CNTN6: variants seen among roughly 807,000 people sequenced by gnomAD.
CNTN6 encodes contactin-6.
In CNTN6, 137 loss-of-function variants were observed where a neutral mutation model predicts 122.8. The ratio of observed to expected loss-of-function variants is 1.12; its 90% CI spans 0.97 to 1.29. CNTN6 has a LOEUF of 1.29. Among genes scored for constraint, CNTN6 ranks in the 50% most tolerant of loss-of-function variants. The pLI, the probability that CNTN6 is intolerant of heterozygous loss-of-function variation, is 0.00. For missense variants in CNTN6, 1,634 were observed against 1,223.4 expected (o/e 1.34, Z -5.01); for synonymous variants, 570 against 426.0 (o/e 1.34, Z -4.16).
intron 7 of CNTN6, among the ~76,000 whole-genome samples, chr3:1,314,024 A>C (rs184219322): frequency 6.6e-6 from 1 of 152,210 alleles, no homozygotes; most frequent in East Asian, 1.9e-4. Flanking sequence ...CCAACCTATA[A>C]ATTTGGGGAG....
chr3:1,383,442 T>A, intron 19 of CNTN6, 34 bp downstream of exon 19: 1 of 1,543,024 alleles, frequency 6.5e-7, no homozygotes, highest in Non-Finnish European at 9.0e-7. Context: ...TGCTTATGAA[T>A]GTGCCAATGG....
chr3:1,242,926 C>A (rs1403498037), intron 4 of CNTN6, among the ~76,000 whole-genome samples: 3 of 141,142 alleles, frequency 2.1e-5, no homozygotes, highest in Non-Finnish European at 4.6e-5. Context: ...GGGAAACAGG[C>A]CCTTGAAAAG....
At chr3:1,312,929 A>G (rs73816296) in intron 7 of CNTN6, among the ~76,000 whole-genome samples, 3,278 of 151,860 alleles carry the variant, frequency 0.022, 110 homozygotes, top group African/African-American at 0.074. Flanking sequence ...TGATAGTGCT[A>G]TAGCATGATT....
chr3:1,324,375 C>A (rs115814285), intron 8 of CNTN6, among the ~76,000 whole-genome samples: 7 of 149,784 alleles, frequency 4.7e-5, no homozygotes, highest in East Asian at 2.0e-4. Context: ...TTACTTCAGC[C>A]ACTGCTACGG....
At chr3:1,121,585 A>G (rs770999447) in intron 1 of CNTN6, among the ~76,000 whole-genome samples, 1 of 151,918 alleles carries the variant, frequency 6.6e-6, no homozygotes, top group Non-Finnish European at 1.5e-5. Flanking sequence ...TTCTTTTGCT[A>G]ATCTTTGTAT....
chr3:1,299,338 TTAA>T (rs1445197153), intron 7 of CNTN6, among the ~76,000 whole-genome samples: 1 of 152,120 alleles, frequency 6.6e-6, no homozygotes, highest in African/African-American at 2.4e-5. Flanking sequence ...AATTAGATAA[TTAA>T]TTTTAAAAGA....
chr3:1,224,999 C>T (rs1452229531), intron 3 of CNTN6, among the ~76,000 whole-genome samples: 2 of 152,208 alleles, frequency 1.3e-5, no homozygotes, highest in Admixed American at 6.5e-5. Context: ...CAGCCTGCCT[C>T]GGCCTTCCAA....
chr3:1,106,358 C>T (rs1294727921), intron 1 of CNTN6, among the ~76,000 whole-genome samples: 1 of 152,024 alleles, frequency 6.6e-6, no homozygotes, highest in Admixed American at 6.6e-5. Flanking sequence ...TGCCATAACA[C>T]ATTATGTTAA....
At chr3:1,394,677 A>AC (rs1347585029) in intron 20 of CNTN6, among the ~76,000 whole-genome samples, 6 of 152,106 alleles carry the variant, frequency 3.9e-5, no homozygotes, top group Admixed American at 3.3e-4. Context: ...TAAAAGTGTT[A>AC]GTTTGTGCTA....
chr3:1,299,165 A>G (rs531119370), intron 7 of CNTN6, among the ~76,000 whole-genome samples: 1 of 152,300 alleles, frequency 6.6e-6, no homozygotes, highest in African/African-American at 2.4e-5. Context: ...TATCAAATAA[A>G]TAATTATTGA....
intron 1 of CNTN6, among the ~76,000 whole-genome samples, chr3:1,122,310 G>GA (rs558628540): frequency 9.9e-4 from 139 of 139,788 alleles, no homozygotes; most frequent in African/African-American, 3.6e-3. Flanking sequence ...ATAAATAAAG[G>GA]AAAAAAAGGA....
chr3:1,175,230 A>C (rs1038461915), intron 2 of CNTN6, among the ~76,000 whole-genome samples: 1 of 151,592 alleles, frequency 6.6e-6, no homozygotes, highest in African/African-American at 2.4e-5. Context: ...CTCAAAAAAA[A>C]AAAAAAAAAA....
At chr3:1,218,092 G>T (rs571838739) in intron 2 of CNTN6, among the ~76,000 whole-genome samples, 1 of 152,274 alleles carries the variant, frequency 6.6e-6, no homozygotes, top group African/African-American at 2.4e-5. Flanking sequence ...ACCTGAGAGA[G>T]GCGAGAGAGG....
At chr3:1,393,555 TAAAAAA>T (rs572632140) in intron 20 of CNTN6, among the ~76,000 whole-genome samples, 9 of 107,914 alleles carry the variant, frequency 8.3e-5, no homozygotes, top group African/African-American at 1.3e-4. Context: ...CTTAAAGAAG[TAAAAAA>T]AAAAAAAAAA....
intron 20 of CNTN6, among the ~76,000 whole-genome samples, chr3:1,394,771 G>C (rs76174205): frequency 0.04 from 6,102 of 152,186 alleles, 175 homozygotes; most frequent in Non-Finnish European, 0.065. Context: ...CCTACAAATG[G>C]GTTGGACAGA....
chr3:1,265,885 T>C (rs1292411385), intron 4 of CNTN6, among the ~76,000 whole-genome samples: 1 of 152,196 alleles, frequency 6.6e-6, no homozygotes, highest in Non-Finnish European at 1.5e-5. Context: ...TTTTCCCAAA[T>C]TGCTTTGATT....
chr3:1,254,090 G>C (rs1169732880), intron 4 of CNTN6, among the ~76,000 whole-genome samples: 1 of 151,998 alleles, frequency 6.6e-6, no homozygotes, highest in South Asian at 2.1e-4. Context: ...ATTATAAACA[G>C]ATTTTTATTT....
intron 2 of CNTN6, among the ~76,000 whole-genome samples, chr3:1,159,512 A>C (rs1446209921): frequency 6.6e-6 from 1 of 152,126 alleles, no homozygotes; most frequent in Non-Finnish European, 1.5e-5. Flanking sequence ...GGTAGCTGAA[A>C]CTGGGGAAAC....
At chr3:1,378,309 C>G (rs1260419248) in intron 17 of CNTN6, among the ~76,000 whole-genome samples, 1 of 152,152 alleles carries the variant, frequency 6.6e-6, no homozygotes, top group Non-Finnish European at 1.5e-5. Context: ...TTAAATGAAC[C>G]TGCGTCCCTT....
Sources: gnomAD v4.1 joint callset for allele counts (sites outside exome capture counted in the v4.1 genomes callset) on GRCh38, gnomAD v4.1.1 for gene constraint, MANE v1.5 for transcripts, NCBI Gene and HGNC (gene_info 2026-07-23, HGNC 2026-07-21) for gene names.